The following NAALADL2 variants were observed in gnomAD, a reference collection of about 807,000 sequenced individuals.
NAALADL2 encodes the protein inactive N-acetylated-alpha-linked acidic dipeptidase-like protein 2.
Under a neutral mutation model 87.2 loss-of-function variants are expected in NAALADL2, and 76 were observed. That is an observed-to-expected ratio of 0.87 (90% CI 0.72 to 1.05). The LOEUF is 1.05. Ranked by LOEUF, NAALADL2 falls within the 50% of genes least tolerant of loss-of-function variation. The pLI, the probability that NAALADL2 is intolerant of heterozygous loss-of-function variation, is 0.00. For missense variants in NAALADL2, 1,089 were observed against 945.8 expected (o/e 1.15, Z -1.99); for synonymous variants, 354 against 331.0 (o/e 1.07, Z -0.75).
chr3:175,207,811 T>A (rs1741169236), intron 2 of NAALADL2, among the ~76,000 whole-genome samples: 1 of 152,098 alleles, frequency 6.6e-6, no homozygotes, highest in Non-Finnish European at 1.5e-5. Flanking sequence ...GAATCCTGAA[T>A]TAAATGCACT....
chr3:175,034,798 A>G (rs1753213258), intron 1 of NAALADL2, among the ~76,000 whole-genome samples: 1 of 152,170 alleles, frequency 6.6e-6, no homozygotes. Flanking sequence ...TACCTCATAA[A>G]TTGTTGTGAG....
intron 5 of NAALADL2, among the ~76,000 whole-genome samples, chr3:175,429,222 T>C (rs1453093596): frequency 1.4e-5 from 2 of 143,948 alleles, no homozygotes; most frequent in African/African-American, 5.0e-5. Context: ...TATATATACA[T>C]ATTCCTTCTT....
At chr3:174,582,432 A>G (rs1455137980) in intron 2 of NAALADL2, among the ~76,000 whole-genome samples, 1 of 152,190 alleles carries the variant, frequency 6.6e-6, no homozygotes, top group Non-Finnish European at 1.5e-5. Context: ...CAAATAAAAA[A>G]CCTGTGACTG....
At chr3:174,655,455 A>G (rs1291182735) in intron 2 of NAALADL2, among the ~76,000 whole-genome samples, 1 of 151,770 alleles carries the variant, frequency 6.6e-6, no homozygotes, top group Non-Finnish European at 1.5e-5. Context: ...ACCGTAAACT[A>G]GATAAACCTC....
At chr3:175,756,100 C>A (rs978722466) in intron 13 of NAALADL2, among the ~76,000 whole-genome samples, 7 of 151,960 alleles carry the variant, frequency 4.6e-5, no homozygotes, top group African/African-American at 1.4e-4. Flanking sequence ...AAAACCACGT[C>A]ATTAAAACCA....
Position 174,676,819 on chromosome 3 carries a change from ATAAG to A in NAALADL2, c.-114-60820_-114-60817del, listed in dbSNP as rs1255652756. Among the ~76,000 whole-genome samples, 15 of 152,038 alleles carry A rather than the reference ATAAG, an allele frequency of 9.9e-5. No homozygotes were observed. The East Asian group carries it at 2.3e-3, about 23-fold the overall frequency. ...TCCAAACAAAATGTTATAAATTTCT[ATAAG>A]TTAGTTTAAAAATTTTTATCATGTA... On this transcript the variant is annotated intron_variant, in intron 2 of 3. Transcript: ENST00000434257.
At chr3:174,941,941 T>G (rs543401334) in intron 1 of NAALADL2, among the ~76,000 whole-genome samples, 6 of 152,236 alleles carry the variant, frequency 3.9e-5, no homozygotes, top group Admixed American at 2.6e-4. Flanking sequence ...CACTGGGGCT[T>G]GCTTTCTTAT....
At chr3:175,452,546 G>T (rs1721737563) in intron 6 of NAALADL2, among the ~76,000 whole-genome samples, 1 of 152,116 alleles carries the variant, frequency 6.6e-6, no homozygotes, top group African/African-American at 2.4e-5. Context: ...TGTGCAGATA[G>T]CTTCCATATA....
intron 13 of NAALADL2, among the ~76,000 whole-genome samples, chr3:175,791,158 G>A (rs908660016): frequency 6.6e-5 from 10 of 152,084 alleles, no homozygotes; most frequent in Non-Finnish European, 1.3e-4. Flanking sequence ...TTAATATGAG[G>A]GGAAAAATGT....
intron 2 of NAALADL2, among the ~76,000 whole-genome samples, chr3:174,601,362 G>T (rs936962114): frequency 1.4e-4 from 21 of 152,100 alleles, no homozygotes; most frequent in African/African-American, 5.1e-4. Flanking sequence ...CTATCTCATT[G>T]TAGTTTTTAT....
chr3:175,529,253 G>A (rs1733798890), intron 9 of NAALADL2, among the ~76,000 whole-genome samples: 1 of 152,172 alleles, frequency 6.6e-6, no homozygotes, highest in Admixed American at 6.5e-5. Context: ...TTCTTAGCCT[G>A]TTGACTTAAA....
At chr3:175,220,528 T>C (rs1743196379) in intron 2 of NAALADL2, among the ~76,000 whole-genome samples, 1 of 152,064 alleles carries the variant, frequency 6.6e-6, no homozygotes, top group Non-Finnish European at 1.5e-5. Flanking sequence ...TTAATACCTG[T>C]AAGATCTTTT....
intron 2 of NAALADL2, among the ~76,000 whole-genome samples, chr3:174,715,135 C>T (rs998513735): frequency 6.6e-6 from 1 of 152,104 alleles, no homozygotes; most frequent in African/African-American, 2.4e-5. Context: ...GCTGCCTAGA[C>T]AAGAAGGTTT....
At chr3:175,435,298 G>A (rs1416118423) in intron 5 of NAALADL2, among the ~76,000 whole-genome samples, 3 of 151,852 alleles carry the variant, frequency 2.0e-5, no homozygotes, top group South Asian at 4.1e-4. Flanking sequence ...ATTGTTCTTT[G>A]TTTCGATGTG....
chr3:175,434,321 T>C (rs999621207), intron 5 of NAALADL2, among the ~76,000 whole-genome samples: 21 of 151,964 alleles, frequency 1.4e-4, no homozygotes, highest in African/African-American at 5.1e-4. Flanking sequence ...CAGAGTCACT[T>C]CCTAATTAGA....
chr3:174,815,619 A>C (rs935819484), intron 3 of NAALADL2, among the ~76,000 whole-genome samples: 3 of 152,148 alleles, frequency 2.0e-5, no homozygotes, highest in Non-Finnish European at 4.4e-5. Context: ...TTTTCTTATA[A>C]GGATAACAGT....
intron 1 of NAALADL2, among the ~76,000 whole-genome samples, chr3:175,026,190 T>C (rs1752197973): frequency 6.6e-6 from 1 of 152,122 alleles, no homozygotes; most frequent in Non-Finnish European, 1.5e-5. Context: ...CTAGATTCTA[T>C]GGATTTAATA....
intron 5 of NAALADL2, among the ~76,000 whole-genome samples, chr3:175,392,188 A>C (rs575058256): frequency 2.0e-5 from 3 of 152,322 alleles, no homozygotes; most frequent in Non-Finnish European, 4.4e-5. Context: ...TGAAAGAATG[A>C]ATCACCTAAT....
intron 11 of NAALADL2, among the ~76,000 whole-genome samples, chr3:175,654,348 G>A (rs1487407021): frequency 5.3e-5 from 8 of 152,208 alleles, no homozygotes; most frequent in South Asian, 2.1e-4. Flanking sequence ...CTAGGAATTC[G>A]TCTGCTGCCT....
Sources: gnomAD v4.1 joint callset for allele counts (sites outside exome capture counted in the v4.1 genomes callset) on GRCh38, gnomAD v4.1.1 for gene constraint, MANE v1.5 for transcripts, NCBI Gene and HGNC (gene_info 2026-07-23, HGNC 2026-07-21) for gene names.